The following RHNO1 variants were observed in gnomAD, a reference collection of about 807,000 sequenced individuals.
The protein encoded by RHNO1 is RAD9-HUS1-RAD1 interacting nuclear orphan 1.
RHNO1 carries 9 observed loss-of-function variants against 7.2 expected under a neutral mutation model. The observed-to-expected ratio is 1.25, with a 90% CI of 0.75 to 2.18. RHNO1 has a LOEUF of 2.18. Ranked by LOEUF, RHNO1 falls within the 30% of genes most tolerant of loss-of-function variation. The pLI is 0.00. For missense variants in RHNO1, 292 were observed against 284.5 expected (o/e 1.03, Z -0.19); for synonymous variants, 95 against 107.5 (o/e 0.88, Z 0.72).
rs567915237 is a variant in RHNO1 at position 2,885,286 on chromosome 12, T to C, written c.-81T>C. 4.9e-6 allele frequency: 6 copies of C among 1,219,210 alleles called. No homozygotes were observed. In the East Asian group the frequency reaches 1.4e-4, roughly 29 times the overall value. 75.5% of individuals were successfully genotyped at this position (1,219,210 alleles called of 1,614,324 possible). A position where few individuals can be genotyped will look rare whatever the true frequency, so the allele number is the denominator to read the frequency against. ...AGCTTTTGTTTCTTCTCTACAGGCA[T>C]GGGTTGGAATTGGAGCCTATCCCCC... On this transcript the variant is annotated 5_prime_UTR_variant, in exon 2 of 3. An upstream start codon of the reference 5' UTR is lost. Coordinates refer to ENST00000489288, the MANE Select transcript of RHNO1 (RefSeq NM_001252499.3).
At position 2,885,560 on chromosome 12, in the gene RHNO1, C is replaced by CTTTTTT. The variant is rs2098164432; in HGVS notation, c.168+26_168+27insTTTTTT. 53 of 737,678 alleles carry CTTTTTT rather than the reference C, an allele frequency of 7.2e-5. 9 individuals are homozygous for CTTTTTT. In the African/African-American group the frequency reaches 1.1e-3, roughly 16 times the overall value. The allele number at this position is 737,678 out of a possible 1,614,324, so 45.7% of individuals were successfully genotyped here. On this transcript the variant is annotated intron_variant, in intron 2 of 2. Transcript: ENST00000489288. ...GTAGGCCCATGGGATTACTATTTGACATTTTTTTTTTTTTTTTTTTTTTTT... is the reference window on the plus strand; with the variant it reads ...GTAGGCCCATGGGATTACTATTTGACTTTTTTATTTTTTTTTTTTTTTTTTTTTTTT...
At chr12:2,885,564 T>A in intron 2 of RHNO1, 30 bp downstream of exon 2, 1 of 342,894 alleles carries the variant, frequency 2.9e-6, no homozygotes, top group Non-Finnish European at 3.5e-6. Flanking sequence ...ATTTGACATT[T>A]TTTTTTTTTT....
intron 1 of RHNO1, among the ~76,000 whole-genome samples, chr12:2,878,860 A>G (rs1603502794): frequency 6.6e-6 from 1 of 151,966 alleles, no homozygotes; most frequent in Admixed American, 6.6e-5. Flanking sequence ...TCCCTGACCA[A>G]GGGCCCTGGA....
chr12:2,889,272 G>C lies in RHNO1; in HGVS notation c.*813G>C, dbSNP rs1383489001. The C allele has an allele frequency of 6.6e-6, 1 of 152,192 alleles. No homozygotes were observed. The highest frequency in any genetic ancestry group is 1.5e-5 in the Non-Finnish European group (1 of 68,040). The allele number at this position is 152,192 out of a possible 1,614,324, so 9.4% of individuals were successfully genotyped here. Reference sequence around the variant, plus strand: ...GACTACATAAGATGAGGGGAGATAAGGGGGACATAGATGAGTTCTTTAGGA... The same window carrying C: ...GACTACATAAGATGAGGGGAGATAACGGGGACATAGATGAGTTCTTTAGGA... On this transcript the variant is annotated 3_prime_UTR_variant, in exon 3 of 3. Coordinates refer to ENST00000489288, the MANE Select transcript of RHNO1 (RefSeq NM_001252499.3).
intron 2 of RHNO1, 26 bp downstream of exon 2, chr12:2,885,560 CATTTTTTTTT>C (rs764738184): frequency 0.041 from 30,259 of 731,410 alleles, 1,785 homozygotes; most frequent in East Asian, 0.056. Flanking sequence ...TACTATTTGA[CATTTTTTTTT>C]TTTTTTTTTT....
In RHNO1 at chr12:2,877,227, C is replaced by G. The variant is rs974255191; in HGVS notation, c.-140C>G. ...CGGCGCCGGCCTTGTCTCGGCATTC[C>G]GGGCTCGAAGGCTGTGCGGTCTGCC... On this transcript the variant is annotated 5_prime_UTR_variant, in exon 1 of 3. Coordinates refer to ENST00000489288, the MANE Select transcript of RHNO1 (RefSeq NM_001252499.3). The G allele has an allele frequency of 6.6e-6, 1 of 152,248 alleles. No individual in the cohort carries two copies. Among genetic ancestry groups the G allele is most frequent in the Non-Finnish European group, 1.5e-5 (1 of 68,046 alleles). 9.4% of individuals were successfully genotyped at this position (152,248 alleles called of 1,614,324 possible).
intron 1 of RHNO1, 23 bp downstream of exon 1, chr12:2,877,305 T>C (rs2098147573): frequency 6.6e-6 from 1 of 151,690 alleles, no homozygotes; most frequent in African/African-American, 2.4e-5. Flanking sequence ...GCAGGCCGGC[T>C]TGTGGGGGAA....
upstream of RHNO1, chr12:2,876,458 C>A (rs557047132): frequency 3.9e-5 from 6 of 152,256 alleles, no homozygotes; most frequent in Non-Finnish European, 5.9e-5. Context: ...CCATCCCCAT[C>A]CTGAGCGGGG....
intron 1 of RHNO1, among the ~76,000 whole-genome samples, chr12:2,884,554 G>A (rs2907612): frequency 0.42 from 63,974 of 151,852 alleles, 14,006 homozygotes; most frequent in East Asian, 0.64. Flanking sequence ...GTAGAGACGA[G>A]GTTTCACCAT....
rs1251286004 is a variant in RHNO1, at chr12:2,888,235, G to T, written c.493G>T (p.Val165Leu). 6.2e-7 allele frequency: 1 copy of T among 1,614,106 alleles called. No individual in the cohort carries two copies. Among genetic ancestry groups the T allele is most frequent in the South Asian group, 1.1e-5 (1 of 91,076 alleles). Residue 165 changes from valine to leucine, a missense_variant, in exon 3 of 3, where the codon GTG (valine) becomes TTG (leucine). By Grantham distance (32) the Val-to-Leu change is conservative. Transcript: ENST00000489288. ...TATCCAGACCCCAGAGTCATCGTCT[G>T]TGAAGGAAGAACTCATTCCCCAAGA... ...PDIQTPESSS[V>L]KEELIPQDQK...
At position 2,885,384 on chromosome 12, in the gene RHNO1, A is replaced by C. The variant is rs552720705; in HGVS notation, c.18A>C (p.Lys6Asn). ...ACCGGTTGATGCCTCCCAGAAAAAAACGCCGCCAGCCTTCCCAGAAAGCCC... is the reference window on the plus strand; with the variant it reads ...ACCGGTTGATGCCTCCCAGAAAAAACCGCCGCCAGCCTTCCCAGAAAGCCC... Reference protein sequence around the residue: MPPRKKRRQPSQKAPL... With the variant: MPPRKNRRQPSQKAPL... Residue 6 changes from lysine (K) to asparagine (N), a missense_variant, in exon 2 of 3, where the codon AAA becomes AAC. Physicochemically the swap from Lys to Asn is moderately conservative, Grantham distance 94. Coordinates refer to ENST00000489288, the MANE Select transcript of RHNO1 (RefSeq NM_001252499.3). 7.4e-6 allele frequency: 12 copies of C among 1,612,722 alleles called. 1 individual carries two copies. The South Asian group carries it at 7.7e-5, about 10-fold the overall frequency.
Position 2,888,399 on chromosome 12 carries a change from G to C in RHNO1, c.657G>C (p.Leu219=). The C allele has an allele frequency of 6.2e-7, 1 of 1,612,094 alleles. No homozygotes were observed. The highest frequency in any genetic ancestry group is 1.1e-5 in the South Asian group (1 of 90,862). The change falls in exon 3 of 3, where the codon CTG becomes CTC. Residue 219 remains leucine, a synonymous_variant. Transcript: ENST00000489288. The part of the protein sequence containing the change: ...IKVTWRRRQH[L]LAYLRERGKL... Reference sequence around the variant, plus strand: ...TCACATGGAGGAGACGACAGCACCTGCTTGCTTACCTCAGGGAGAGAGGGA... The same window carrying C: ...TCACATGGAGGAGACGACAGCACCTCCTTGCTTACCTCAGGGAGAGAGGGA...
chr12:2,888,466 T>A lies in RHNO1; in HGVS notation c.*7T>A, dbSNP rs780428485. The A allele has an allele frequency of 8.4e-6, 13 of 1,546,542 alleles. No homozygotes were observed. Among genetic ancestry groups the A allele is most frequent in the Non-Finnish European group, 1.1e-5 (13 of 1,150,202 alleles). On this transcript the variant is annotated 3_prime_UTR_variant, in exon 3 of 3. Transcript: ENST00000489288. ...ATTCCTTGTGAAAAGCTGACTGCCATCAGTAATCTCAATAGAAAAGAGATA... is the reference window on the plus strand; with the variant it reads ...ATTCCTTGTGAAAAGCTGACTGCCAACAGTAATCTCAATAGAAAAGAGATA...
chr12:2,888,432 C>CAG lies in RHNO1; in HGVS notation c.692_693dup (p.Ser232GlufsTer6). The CAG allele has an allele frequency of 6.3e-7, 1 of 1,592,578 alleles. No individual in the cohort carries two copies. The highest frequency in any genetic ancestry group is 8.5e-7 in the Non-Finnish European group (1 of 1,170,948). On this transcript the variant is annotated frameshift_variant, in exon 3 of 3. Transcript: ENST00000489288. LOFTEE classifies it high-confidence loss of function. The stretch of plus-strand genomic sequence containing the variant: ...ACCTCAGGGAGAGAGGGAAGCTGAG[C>CAG]AGAAGCCAATTCCTTGTGAAAAGCT...
Position 2,888,348 on chromosome 12 carries a change from C to G in RHNO1, c.606C>G (p.Thr202=), listed in dbSNP as rs1283338812. 1 of 1,613,960 alleles carries G rather than the reference C, an allele frequency of 6.2e-7. No homozygotes were observed. Among genetic ancestry groups the G allele is most frequent in the African/African-American group, 1.3e-5 (1 of 74,888 alleles). ...CTGGACCTGTTCTGGTTAAAGACAC[C>G]CCCGAGGACAAGTATGGAATAAAGG... ...PEPGPVLVKD[T]PEDKYGIKVT... is the part of the protein sequence containing the mutation. Residue 202 remains threonine (T), a synonymous_variant, in exon 3 of 3, where the codon ACC becomes ACG. Transcript: ENST00000489288.
chr12:2,884,593 C>T (rs954156680), intron 1 of RHNO1, among the ~76,000 whole-genome samples: 1 of 151,356 alleles, frequency 6.6e-6, no homozygotes, highest in Admixed American at 6.7e-5. Context: ...AAACTCCTGA[C>T]CTCAGGTGAT....
chr12:2,883,512 T>TATATATATATATATATATATATA (rs1491305927), intron 1 of RHNO1, among the ~76,000 whole-genome samples: 6 of 22,294 alleles, frequency 2.7e-4, no homozygotes, highest in South Asian at 2.0e-3. Context: ...TATATATATA[T>TATATATATATATATATATATATA]TTTTTTTTTT....
intron 1 of RHNO1, among the ~76,000 whole-genome samples, chr12:2,881,726 G>A (rs1472342159): frequency 7.9e-5 from 12 of 151,614 alleles, no homozygotes; most frequent in African/African-American, 2.4e-4. Context: ...TCAACATAGC[G>A]AAACCCCGTC....
At chr12:2,876,457 T>C (rs560846609), upstream of RHNO1, 2 of 152,230 alleles carry the variant, frequency 1.3e-5, no homozygotes, top group East Asian at 3.9e-4. Context: ...CCCATCCCCA[T>C]CCTGAGCGGG....
Sources: gnomAD v4.1 joint callset for allele counts (sites outside exome capture counted in the v4.1 genomes callset) on GRCh38, gnomAD v4.1.1 for gene constraint, MANE v1.5 for transcripts, NCBI Gene and HGNC (gene_info 2026-07-23, HGNC 2026-07-21) for gene names.